PRKN: variants seen among roughly 807,000 people sequenced by gnomAD.
The protein encoded by PRKN is E3 ubiquitin-protein ligase parkin.
PRKN carries 56 observed loss-of-function variants against 59.5 expected under a neutral mutation model. That is an observed-to-expected ratio of 0.94 (90% CI 0.76 to 1.18). PRKN has a LOEUF of 1.18. PRKN is among the 50% of genes most tolerant of loss of function. PRKN has a pLI of 0.00. For missense variants in PRKN, 657 were observed against 596.4 expected, an observed-to-expected ratio of 1.10 and a Z score of -1.06; for synonymous variants, 250 against 222.1, an observed-to-expected ratio of 1.13 and a Z score of -1.12.
intron 3 of PRKN, among the ~76,000 whole-genome samples, chr6:162,217,684 G>A (rs543183516): frequency 3.3e-5 from 5 of 152,094 alleles, no homozygotes; most frequent in Non-Finnish European, 7.3e-5. Context: ...GAGCCACCAT[G>A]CCCAGTTTTA....
chr6:162,618,916 C>T (rs182400868), intron 1 of PRKN, among the ~76,000 whole-genome samples: 225 of 152,302 alleles, frequency 1.5e-3, no homozygotes, highest in Admixed American at 3.1e-3. Context: ...GAGTAAGGAA[C>T]AGCTGGATGA....
chr6:162,626,669 C>T (rs1190838848), intron 1 of PRKN, among the ~76,000 whole-genome samples: 1 of 151,908 alleles, frequency 6.6e-6, no homozygotes, highest in Non-Finnish European at 1.5e-5. Flanking sequence ...AAAAAAATAG[C>T]TGGGCCTGGT....
At position 161,373,946 on chromosome 6, in the gene PRKN, G is replaced by A. The variant is rs1582987958; in HGVS notation, c.1167+12848C>T. On this transcript the variant is annotated intron_variant, in intron 10 of 11. Coordinates refer to ENST00000366898, the MANE Select transcript of PRKN (RefSeq NM_004562.3). This position sits in a 1 kb window ranked among gnomAD's most constrained non-coding sequence, Gnocchi z 4.8. ...TTGTCGGCTGGGCCACTATGCAGGC[G>A]TGGCTGGGGTGCCTTTCAAAGTGGC... Among the ~76,000 whole-genome samples the A allele has an allele frequency of 6.6e-6, 1 of 152,154 alleles. No homozygotes were observed. Among genetic ancestry groups the A allele is most frequent in the Admixed American group, 6.5e-5 (1 of 15,276 alleles).
rs114818463 is a variant in PRKN, at chr6:161,760,557, C to T, written c.871+25215G>A. Among the ~76,000 whole-genome samples, 990 of 151,796 alleles carry T rather than the reference C, an allele frequency of 6.5e-3. 11 individuals are homozygous for T. The highest frequency in any genetic ancestry group is 0.023 in the African/African-American group (947 of 41,400). On this transcript the variant is annotated intron_variant, in intron 7 of 11. Coordinates refer to ENST00000366898, the MANE Select transcript of PRKN (RefSeq NM_004562.3). ...GGAACCCGAGATTCAGGCTGAGCGC[C>T]GGAAGCCGTCTAGCAGGGACTCTGG...
chr6:161,564,017 T>C (rs895734781), intron 8 of PRKN, among the ~76,000 whole-genome samples: 2 of 151,918 alleles, frequency 1.3e-5, no homozygotes, highest in Non-Finnish European at 2.9e-5. Flanking sequence ...TACAAAAAGC[T>C]AAGTTAGAGA....
At chr6:161,876,464 G>C (rs547247227) in intron 6 of PRKN, among the ~76,000 whole-genome samples, 9 of 152,018 alleles carry the variant, frequency 5.9e-5, no homozygotes, top group Non-Finnish European at 1.3e-4. Context: ...GGCGCATGCC[G>C]TCACACCCAG....
rs373822092 is a variant in PRKN, at chr6:161,973,336, G to C, written c.700C>G (p.Arg234Gly). The C allele has an allele frequency of 3.7e-6, 6 of 1,613,368 alleles. No individual in the cohort carries two copies. The highest frequency in any genetic ancestry group is 1.7e-5 in the Admixed American group (1 of 59,990). ...VALHLIATNS[R>G]NITCITCTDV... Reference sequence around the variant, plus strand: ...GTGCACGTAATGCAAGTGATGTTCCGACTATTTGTTGCGATCAGGTGCAAA... The same window carrying C: ...GTGCACGTAATGCAAGTGATGTTCCCACTATTTGTTGCGATCAGGTGCAAA... Residue 234 changes from arginine to glycine, a missense_variant, in exon 6 of 12, where the codon CGG becomes GGG. Arg to Gly is a moderately radical substitution (Grantham distance 125). Transcript: ENST00000366898.
intron 2 of PRKN, among the ~76,000 whole-genome samples, chr6:162,272,677 A>G (rs1780446861): frequency 1.3e-5 from 2 of 152,072 alleles, no homozygotes; most frequent in African/African-American, 2.4e-5. Flanking sequence ...CATCTGCGCA[A>G]GGTGTTTACT....
intron 7 of PRKN, among the ~76,000 whole-genome samples, chr6:161,768,503 T>C (rs77053393): frequency 0.031 from 4,666 of 152,216 alleles, 250 homozygotes; most frequent in African/African-American, 0.11. Flanking sequence ...ACTGATTCAA[T>C]GCAAATACTG....
chr6:162,337,739 G>A (rs1353527716), intron 2 of PRKN, among the ~76,000 whole-genome samples: 2 of 152,022 alleles, frequency 1.3e-5, no homozygotes, highest in Admixed American at 6.6e-5. Flanking sequence ...CTAATCACTC[G>A]GCAGTCATTT....
At chr6:162,512,357 G>A (rs534644348) in intron 1 of PRKN, among the ~76,000 whole-genome samples, 126 of 152,256 alleles carry the variant, frequency 8.3e-4, no homozygotes, top group African/African-American at 2.9e-3. Flanking sequence ...CATGAAGATT[G>A]CTTGGTGCTT....
chr6:161,777,857 T>C (rs1790018029), intron 7 of PRKN, among the ~76,000 whole-genome samples: 1 of 145,262 alleles, frequency 6.9e-6, no homozygotes. Context: ...TATATATGTG[T>C]ATATATGTAT....
chr6:161,500,022 G>A (rs1049607029), intron 9 of PRKN, among the ~76,000 whole-genome samples: 1 of 151,936 alleles, frequency 6.6e-6, no homozygotes, highest in Non-Finnish European at 1.5e-5. Flanking sequence ...AAAGTCCTTC[G>A]GCCATGTTTC....
At chr6:161,865,888 T>C (rs1053973294) in intron 6 of PRKN, among the ~76,000 whole-genome samples, 15 of 152,196 alleles carry the variant, frequency 9.9e-5, no homozygotes, top group African/African-American at 3.6e-4. Context: ...CTTGGATAAC[T>C]TATTGGAGCA....
intron 6 of PRKN, among the ~76,000 whole-genome samples, chr6:161,930,143 T>C (rs1432591332): frequency 6.6e-6 from 1 of 152,178 alleles, no homozygotes; most frequent in Non-Finnish European, 1.5e-5. Context: ...AAGAACTAGG[T>C]GAACTAAGGA....
intron 1 of PRKN, among the ~76,000 whole-genome samples, chr6:162,506,251 CAAAAAAAAAAA>C (rs10528135): frequency 0.019 from 1,833 of 95,362 alleles, 35 homozygotes; most frequent in African/African-American, 0.041. Context: ...AAAGAGGAAG[CAAAAAAAAAAA>C]AAAAAAAAAA....
At chr6:162,293,924 C>A (rs544568640) in intron 2 of PRKN, among the ~76,000 whole-genome samples, 1 of 152,096 alleles carries the variant, frequency 6.6e-6, no homozygotes. Context: ...GTGATCCGTC[C>A]GCCTCGGCCT....
chr6:162,469,044 T>C (rs1258016179), intron 1 of PRKN, among the ~76,000 whole-genome samples: 1 of 152,106 alleles, frequency 6.6e-6, no homozygotes, highest in Non-Finnish European at 1.5e-5. Flanking sequence ...GGGGGAAATA[T>C]GGAATGTATC....
intron 1 of PRKN, among the ~76,000 whole-genome samples, chr6:162,523,213 C>G (rs1488464073): frequency 6.6e-6 from 1 of 152,090 alleles, no homozygotes; most frequent in African/African-American, 2.4e-5. Flanking sequence ...TGGGAATTCA[C>G]AGGAGAGTGG....
Sources: gnomAD v4.1 joint callset for allele counts (sites outside exome capture counted in the v4.1 genomes callset) on GRCh38, gnomAD v4.1.1 for gene constraint, Gnocchi (gnomAD v3.1) non-coding constraint, MANE v1.5 for transcripts, NCBI Gene and HGNC (gene_info 2026-07-23, HGNC 2026-07-21) for gene names.